The following OAS3 variants were observed in gnomAD, a reference collection of about 807,000 sequenced individuals.
The protein encoded by OAS3 is 2'-5'-oligoadenylate synthase 3.
OAS3 carries 107 observed loss-of-function variants against 113.0 expected under a neutral mutation model. That is an observed-to-expected ratio of 0.95 (90% CI 0.81 to 1.11). The LOEUF (loss-of-function observed/expected upper bound fraction) is 1.11, where lower values mean the gene tolerates loss of function less well. Among genes scored for constraint, OAS3 ranks in the 50% most tolerant of loss-of-function variants. OAS3 has a pLI of 0.00. For synonymous variants in OAS3, 552 were observed against 573.6 expected, an observed-to-expected ratio of 0.96 and a Z score of 0.54; for missense variants, 1,258 against 1,389.1, an observed-to-expected ratio of 0.91 and a Z score of 1.50.
chr12:112,959,424 G>A (rs2043863068), intron 7 of OAS3, among the ~76,000 whole-genome samples: 1 of 152,134 alleles, frequency 6.6e-6, no homozygotes, highest in African/African-American at 2.4e-5. Flanking sequence ...CCCATCTTCT[G>A]TGTCACTCAC....
intron 1 of OAS3, 94 bp downstream of exon 1, chr12:112,938,801 C>A (rs1296030998): frequency 3.5e-5 from 35 of 1,001,740 alleles, no homozygotes; most frequent in Non-Finnish European, 2.8e-6. Flanking sequence ...GTGGCTTTAT[C>A]CGCTTGTGCA....
chr12:112,944,671 T>A lies in OAS3; in HGVS notation c.636+20T>A. On this transcript the variant is annotated intron_variant, in intron 3 of 15. Coordinates refer to ENST00000228928, the MANE Select transcript of OAS3 (RefSeq NM_006187.4). ...CACCAGGTGAAGCCACTTGGAAGGG[T>A]TTCTCCAGACATGTGACTGTTTGCT... 6.2e-7 allele frequency: 1 copy of A among 1,613,332 alleles called. No homozygotes were observed. Among genetic ancestry groups the A allele is most frequent in the Non-Finnish European group, 8.5e-7 (1 of 1,179,458 alleles).
chr12:112,967,670 G>T, intron 13 of OAS3, 77 bp downstream of exon 13: 1 of 1,495,694 alleles, frequency 6.7e-7, no homozygotes, highest in South Asian at 1.3e-5. Flanking sequence ...GAGGAAGCAG[G>T]GCCCAGCCCT....
chr12:112,943,505 A>G (rs2043699197), intron 2 of OAS3, among the ~76,000 whole-genome samples: 1 of 152,150 alleles, frequency 6.6e-6, no homozygotes, highest in African/African-American at 2.4e-5. Flanking sequence ...TGGTGGCGGA[A>G]AAGGCGCACC....
At chr12:112,948,811 T>C (rs34647135) in intron 5 of OAS3, 50 bp from the exon 6 acceptor site, 358,227 of 1,420,592 alleles carry the variant, frequency 0.25, 51,373 homozygotes, top group East Asian at 0.65. Flanking sequence ...ATTGGGTTGA[T>C]GCAGAAACCA....
intron 7 of OAS3, among the ~76,000 whole-genome samples, chr12:112,958,288 C>G (rs1476995417): frequency 6.6e-6 from 1 of 152,258 alleles, no homozygotes; most frequent in African/African-American, 2.4e-5. Context: ...TGAACATCCT[C>G]CTTTAGCTCG....
chr12:112,953,174 T>TC (rs61421069), intron 7 of OAS3, among the ~76,000 whole-genome samples: 10,262 of 151,730 alleles, frequency 0.068, 1,153 homozygotes, highest in African/African-American at 0.23. Flanking sequence ...TGTGTGATGT[T>TC]CCCCACCCCG....
In OAS3 at chr12:112,967,459, G is replaced by A. The variant is rs1271862126; in HGVS notation, c.2731G>A (p.Val911Ile). Residue 911 changes from valine to isoleucine, a missense_variant, in exon 13 of 16, where the codon GTC becomes ATC. Coordinates refer to ENST00000228928, the MANE Select transcript of OAS3 (RefSeq NM_006187.4). ...SGSRPSSQVY[V>I]DLIHSYSNAG... ...CTCCAGGCCCAGCTCTCAAGTCTACGTCGACCTCATCCACAGCTACAGCAA... is the reference window on the plus strand; with the variant it reads ...CTCCAGGCCCAGCTCTCAAGTCTACATCGACCTCATCCACAGCTACAGCAA... 18 of 1,613,376 alleles carry A rather than the reference G, an allele frequency of 1.1e-5. No individual in the cohort carries two copies. The highest frequency in any genetic ancestry group is 2.2e-5 in the East Asian group (1 of 44,876).
At chr12:112,942,353 A>G in intron 2 of OAS3, 1 of 191,088 alleles carries the variant, frequency 5.2e-6, no homozygotes, top group Non-Finnish European at 1.1e-5. Flanking sequence ...TAATGGGGAT[A>G]ATAGTAATCT....
chr12:112,958,934 C>G (rs1383480617), intron 7 of OAS3, among the ~76,000 whole-genome samples: 1 of 152,362 alleles, frequency 6.6e-6, no homozygotes, highest in Admixed American at 6.5e-5. Flanking sequence ...CTATGCCCTG[C>G]CTCCAGAGAT....
chr12:112,959,765 A>T (rs1009639030), intron 7 of OAS3, among the ~76,000 whole-genome samples: 3 of 152,048 alleles, frequency 2.0e-5, no homozygotes, highest in Non-Finnish European at 4.4e-5. Context: ...TATAAACTCT[A>T]TTCAAATAAT....
chr12:112,948,871 G>A lies in OAS3; in HGVS notation c.1040G>A (p.Arg347His), dbSNP rs548511751. The part of the protein sequence containing the change: ...VQSWKGPGLP[R>H]AGCSGLGHPI... ...TCAATGACCTTCCAGGGCCTTCCACGTGCTGGATGCTCAGGTTTGGGCCAC... is the reference window on the plus strand; with the variant it reads ...TCAATGACCTTCCAGGGCCTTCCACATGCTGGATGCTCAGGTTTGGGCCAC... The change falls in exon 6 of 16, where the codon CGT (arginine) becomes CAT (histidine). Residue 347 changes from arginine to histidine, a missense_variant. By Grantham distance (29) the Arg-to-His change is conservative. Coordinates refer to ENST00000228928, the MANE Select transcript of OAS3 (RefSeq NM_006187.4). 1.7e-5 allele frequency: 26 copies of A among 1,572,756 alleles called. No individual in the cohort carries two copies. The highest frequency in any genetic ancestry group is 4.1e-5 in the African/African-American group (3 of 73,826).
At position 112,971,937 on chromosome 12, in the gene OAS3, A is replaced by G. The variant is rs936817908; in HGVS notation, c.*1964A>G. On this transcript the variant is annotated 3_prime_UTR_variant, in exon 16 of 16. Transcript: ENST00000228928. ...CTCATCGATACTGCCTGGTAATCCA[A>G]AGCTAGAACTCTCAGGACCCCAAAC... 6.6e-6 allele frequency: 1 copy of G among 152,296 alleles called. No homozygotes were observed. The highest frequency in any genetic ancestry group is 2.4e-5 in the African/African-American group (1 of 41,444). The allele number at this position is 152,296 out of a possible 1,614,324, so 9.4% of individuals were successfully genotyped here.
At chr12:112,947,025 A>G (rs1420573648) in intron 4 of OAS3, 44 bp downstream of exon 4, 2 of 1,535,004 alleles carry the variant, frequency 1.3e-6, no homozygotes, top group African/African-American at 2.7e-5. Context: ...TCCCGGGGCC[A>G]GGGGGAGATA....
At chr12:112,940,437 C>T (rs1015516838) in intron 1 of OAS3, among the ~76,000 whole-genome samples, 7 of 152,210 alleles carry the variant, frequency 4.6e-5, no homozygotes, top group African/African-American at 1.4e-4. Context: ...CATGTAACTA[C>T]ATCACAGTTG....
chr12:112,944,699 G>C, intron 3 of OAS3, 48 bp downstream of exon 3: 1 of 1,597,122 alleles, frequency 6.3e-7, no homozygotes. Flanking sequence ...TGTTTGCTTT[G>C]TGCTTTCATA....
chr12:112,942,584 C>T (rs1158661937), intron 2 of OAS3, among the ~76,000 whole-genome samples: 2 of 151,734 alleles, frequency 1.3e-5, no homozygotes, highest in African/African-American at 4.8e-5. Context: ...TGTAGTAGTA[C>T]ATGCCTCCCT....
At position 112,950,708 on chromosome 12, in the gene OAS3, C is replaced by T. The variant is rs750291946; in HGVS notation, c.1390C>T (p.Arg464Trp). Reference protein sequence around the residue: ...SRVSKGGSFGRGTDLRDGCDV... With the variant: ...SRVSKGGSFGWGTDLRDGCDV... ...CCCTCCACAGGGGGGCTCATTTGGC[C>T]GGGGCACAGACCTAAGGGATGGCTG... Residue 464 changes from arginine to tryptophan, a missense_variant, in exon 7 of 16, where the codon CGG becomes TGG. Arg to Trp is a moderately radical substitution (Grantham distance 101). Transcript: ENST00000228928. 33 of 1,613,776 alleles carry T rather than the reference C, an allele frequency of 2.0e-5. No homozygotes were observed. Among genetic ancestry groups the T allele is most frequent in the Non-Finnish European group, 2.7e-5 (32 of 1,179,780 alleles).
chr12:112,944,553 C>G lies in OAS3; in HGVS notation c.538C>G (p.His180Asp). ...CAACAGTGGCTGCCAAGGGGGCGAG[C>G]ATGCGGCCTGCTTCACAGAGCTGCG... ...LLNSGCQGGE[H>D]AACFTELRRN... Residue 180 changes from histidine (H) to aspartate (D), a missense_variant, in exon 3 of 16, where the codon CAT becomes GAT. Coordinates refer to ENST00000228928, the MANE Select transcript of OAS3 (RefSeq NM_006187.4). 5 of 1,614,066 alleles carry G rather than the reference C, an allele frequency of 3.1e-6. No individual in the cohort carries two copies. The highest frequency in any genetic ancestry group is 4.2e-6 in the Non-Finnish European group (5 of 1,179,902).
Sources: allele counts gnomAD v4.1 joint callset (sites outside exome capture counted in the v4.1 genomes callset), GRCh38; gene constraint gnomAD v4.1.1; transcripts MANE v1.5; gene names NCBI Gene and HGNC (gene_info 2026-07-23, HGNC 2026-07-21).